The following FBXW12 variants were observed in gnomAD, a reference collection of about 807,000 sequenced individuals.
FBXW12 encodes the protein F-box/WD repeat-containing protein 12.
Under a neutral mutation model 55.3 loss-of-function variants are expected in FBXW12, and 43 were observed. The ratio of observed to expected loss-of-function variants is 0.78; its 90% CI spans 0.61 to 1.00. The LOEUF (loss-of-function observed/expected upper bound fraction) is 1.00, where lower values mean the gene tolerates loss of function less well. Among genes scored for constraint, FBXW12 ranks in the 50% least tolerant of loss-of-function variants. The probability of loss-of-function intolerance (pLI) is 0.00; values close to 1 mark genes in which losing one functional copy is unlikely to be tolerated. For synonymous variants in FBXW12, 184 were observed against 203.8 expected, an observed-to-expected ratio of 0.90 and a Z score of 0.83; for missense variants, 524 against 560.5, an observed-to-expected ratio of 0.93 and a Z score of 0.66.
intron 2 of FBXW12, 70 bp from the exon 3 acceptor site, chr3:48,373,238 A>G: frequency 1.2e-6 from 2 of 1,611,196 alleles, no homozygotes; most frequent in Non-Finnish European, 1.7e-6. Context: ...AGAACAAATA[A>G]TAGCAGAGGA....
chr3:48,379,340 T>G (rs770595523), intron 6 of FBXW12, 60 bp from the exon 7 acceptor site: 51 of 1,529,030 alleles, frequency 3.3e-5, no homozygotes, highest in Non-Finnish European at 3.3e-5. Flanking sequence ...TGCTGCCTCC[T>G]CTGTACTTCA....
At chr3:48,374,418 C>T in intron 4 of FBXW12, among the ~76,000 whole-genome samples, 1 of 151,638 alleles carries the variant, frequency 6.6e-6, no homozygotes, top group Non-Finnish European at 1.5e-5. Flanking sequence ...GCCTCTGTCT[C>T]CTGGGTTCGA....
intron 10 of FBXW12, among the ~76,000 whole-genome samples, chr3:48,390,399 AT>A (rs1371412051): frequency 1.2e-4 from 11 of 90,118 alleles, no homozygotes; most frequent in Non-Finnish European, 2.5e-4. Context: ...GTCACCTAGG[AT>A]TTCCTCTTTT....
At chr3:48,390,052 A>C (rs2036900573) in intron 10 of FBXW12, among the ~76,000 whole-genome samples, 1 of 152,042 alleles carries the variant, frequency 6.6e-6, no homozygotes. Flanking sequence ...TGTTCCTTGA[A>C]TCTTTATTCT....
rs762163728 is a variant in FBXW12 at position 48,372,842 on chromosome 3, T to C, written c.75T>C (p.Val25=). ...TGGACCTGTTCGGCTTGCTGCAGGT[T>C]TCCCAGGTGAACAAGGTAAAGGCCT... ...SFLDLFGLLQ[V]SQVNKHWNRI... The change falls in exon 2 of 11, where the codon GTT becomes GTC. Residue 25 remains valine, a synonymous_variant. Transcript: ENST00000296438. 1.2e-6 allele frequency: 2 copies of C among 1,614,156 alleles called. No individual in the cohort carries two copies.
chr3:48,374,446 GC>G (rs1187080014), intron 4 of FBXW12, among the ~76,000 whole-genome samples: 1 of 151,350 alleles, frequency 6.6e-6, no homozygotes, highest in Non-Finnish European at 1.5e-5. Context: ...TCCTGCCTTA[GC>G]CCCCTGAGTA....
intron 10 of FBXW12, among the ~76,000 whole-genome samples, chr3:48,390,214 C>T (rs190103894): frequency 6.6e-6 from 1 of 152,098 alleles, no homozygotes; most frequent in African/African-American, 2.4e-5. Flanking sequence ...CAGGATCTTT[C>T]CTGATACCAT....
rs377503714 is a variant in FBXW12 at position 48,394,690 on chromosome 3, A to G, written c.*31A>G. On this transcript the variant is annotated 3_prime_UTR_variant, in exon 11 of 11. Coordinates refer to ENST00000296438, the MANE Select transcript of FBXW12 (RefSeq NM_207102.2). ...AAACTAACAAAATTGACCTTGCATC[A>G]TCTTCTGCAATGTAGTAAAGAAATT... The G allele has an allele frequency of 2.7e-6, 3 of 1,125,400 alleles. No individual in the cohort carries two copies. Among genetic ancestry groups the G allele is most frequent in the Non-Finnish European group, 4.0e-6 (3 of 753,686 alleles). 69.7% of individuals were successfully genotyped at this position (1,125,400 alleles called of 1,614,324 possible). A position where few individuals can be genotyped will look rare whatever the true frequency, so the allele number is the denominator to read the frequency against.
intron 7 of FBXW12, 133 bp from the exon 8 acceptor site, chr3:48,380,569 C>T: frequency 3.0e-6 from 2 of 661,806 alleles, no homozygotes; most frequent in Non-Finnish European, 5.4e-6. Flanking sequence ...AGTGACCACT[C>T]ATCACTCCTG....
rs768488061 is a variant in FBXW12 at position 48,381,838 on chromosome 3, G to A, written c.1124G>A (p.Arg375Gln). Reference protein sequence around the residue: ...LFSITGFLLQRFEDHQAAINN... With the variant: ...LFSITGFLLQQFEDHQAAINN... The stretch of plus-strand genomic sequence containing the variant: ...AGCATCACTGGCTTCCTGCTGCAAC[G>A]ATTTGAGGACCATCAGGCAGCCATC... Residue 375 changes from arginine to glutamine, a missense_variant, in exon 9 of 11, where the codon CGA becomes CAA. Arg to Gln is a conservative substitution (Grantham distance 43). Transcript: ENST00000296438. 1.2e-5 allele frequency: 20 copies of A among 1,608,600 alleles called. No homozygotes were observed. Among genetic ancestry groups the A allele is most frequent in the South Asian group, 1.2e-4 (11 of 90,578 alleles).
At chr3:48,373,136 G>A (rs2036627940) in intron 2 of FBXW12, among the ~76,000 whole-genome samples, 172 bp from the exon 3 acceptor site, 2 of 152,124 alleles carry the variant, frequency 1.3e-5, no homozygotes, top group South Asian at 4.1e-4. Context: ...GCAGTGATAG[G>A]TCTCTGTTGT....
At position 48,379,408 on chromosome 3, in the gene FBXW12, T is replaced by C. The variant is rs1369408135; in HGVS notation, c.624T>C (p.Asp208=). ...GGATGCTTTGGTTTCAGGTTGGCGA[T>C]GCTGCAGGTGACATCTACACATTTA... The part of the protein sequence containing the change: ...TKDGPFLMVG[D]AAGDIYTFTL... Residue 208 remains aspartate, a synonymous_variant, in exon 7 of 11, where the codon GAT becomes GAC. Transcript: ENST00000296438. 1 of 1,613,182 alleles carries C rather than the reference T, an allele frequency of 6.2e-7. No homozygotes were observed. Among genetic ancestry groups the C allele is most frequent in the South Asian group, 1.1e-5 (1 of 91,008 alleles).
At chr3:48,383,588 T>A (rs2036807978) in intron 10 of FBXW12, among the ~76,000 whole-genome samples, 1 of 152,208 alleles carries the variant, frequency 6.6e-6, no homozygotes, top group South Asian at 2.1e-4. Flanking sequence ...AACTTTGAAG[T>A]ACAATTTTTC....
chr3:48,379,283 C>T (rs2036729650), intron 6 of FBXW12, 117 bp from the exon 7 acceptor site: 1 of 950,090 alleles, frequency 1.1e-6, no homozygotes, highest in African/African-American at 1.6e-5. Context: ...AGGTTTTGAT[C>T]TCCATTATGT....
chr3:48,372,245 A>C lies in FBXW12; in HGVS notation c.-160A>C. The C allele has an allele frequency of 6.4e-7, 1 of 1,551,380 alleles. No homozygotes were observed. Among genetic ancestry groups the C allele is most frequent in the Non-Finnish European group, 8.7e-7 (1 of 1,146,596 alleles). On this transcript the variant is annotated 5_prime_UTR_variant, in exon 1 of 11. It removes an upstream start codon present in the reference 5' UTR. Transcript: ENST00000296438. ...TCTTTCTCCTCCACTGCAAAGTTAAATGCGAGAAGGTAGAAACCCAGAGGC... is the reference window on the plus strand; with the variant it reads ...TCTTTCTCCTCCACTGCAAAGTTAACTGCGAGAAGGTAGAAACCCAGAGGC...
intron 10 of FBXW12, among the ~76,000 whole-genome samples, chr3:48,385,850 C>A (rs527839685): frequency 1.5e-4 from 23 of 152,240 alleles, no homozygotes; most frequent in East Asian, 3.9e-4. Context: ...CAATGAAGAA[C>A]CTTTGCCCAT....
In FBXW12 at chr3:48,375,413, A is replaced by C. The variant is rs746074416; in HGVS notation, c.346A>C (p.Lys116Gln). The C allele has an allele frequency of 5.6e-6, 9 of 1,612,892 alleles. No homozygotes were observed. The highest frequency in any genetic ancestry group is 3.4e-5 in the Admixed American group (2 of 59,684). Residue 116 changes from lysine to glutamine, a missense_variant, in exon 5 of 11, where the codon AAA becomes CAA. Transcript: ENST00000296438. ...GNRLTVDEQEKSIICSVSPKQ... is the reference protein window; with the variant it reads ...GNRLTVDEQEQSIICSVSPKQ... ...TAGACTTACAGTGGATGAACAGGAGAAATCAATCATTTGTAGTGTATCTCC... is the reference window on the plus strand; with the variant it reads ...TAGACTTACAGTGGATGAACAGGAGCAATCAATCATTTGTAGTGTATCTCC...
intron 10 of FBXW12, among the ~76,000 whole-genome samples, chr3:48,385,550 T>C: frequency 6.6e-6 from 1 of 152,216 alleles, no homozygotes; most frequent in East Asian, 1.9e-4. Flanking sequence ...AGGAGTGGGA[T>C]TGCTGTATCA....
At chr3:48,378,612 C>CTT in intron 6 of FBXW12, 86 bp downstream of exon 6, 1 of 942,786 alleles carries the variant, frequency 1.1e-6, no homozygotes, top group East Asian at 2.8e-5. Context: ...CTGTCCTATC[C>CTT]CTTTTTTTTT....
Sources: gnomAD v4.1 joint callset for allele counts (sites outside exome capture counted in the v4.1 genomes callset) on GRCh38, gnomAD v4.1.1 for gene constraint, MANE v1.5 for transcripts, NCBI Gene and HGNC (gene_info 2026-07-23, HGNC 2026-07-21) for gene names.